Variants in CAMK4 observed in about 807,000 individuals in gnomAD.
CAMK4 encodes the protein calcium/calmodulin dependent protein kinase IV.
A neutral mutation model predicts 44.9 loss-of-function variants in CAMK4; 22 were observed. That is an observed-to-expected ratio of 0.49 (90% CI 0.35 to 0.70). The LOEUF (loss-of-function observed/expected upper bound fraction) is 0.70, where lower values mean the gene tolerates loss of function less well. Among genes scored for constraint, CAMK4 ranks in the 30% least tolerant of loss-of-function variants. The probability of loss-of-function intolerance (pLI) is 0.01; values close to 1 mark genes in which losing one functional copy is unlikely to be tolerated. For missense variants in CAMK4, 498 were observed against 586.8 expected, an observed-to-expected ratio of 0.85 and a Z score of 1.56; for synonymous variants, 218 against 215.4, an observed-to-expected ratio of 1.01 and a Z score of -0.11.
chr5:111,355,486 TTTTATTTA>T (rs143763443), intron 2 of CAMK4, among the ~76,000 whole-genome samples: 6 of 146,898 alleles, frequency 4.1e-5, no homozygotes, highest in African/African-American at 1.5e-4. Flanking sequence ...TCTGCATTCT[TTTTATTTA>T]TTTATTTATT....
chr5:111,446,832 A>T, intron 6 of CAMK4, 56 bp downstream of exon 6: 1 of 1,038,360 alleles, frequency 9.6e-7, no homozygotes, highest in Non-Finnish European at 1.5e-6. Context: ...AAAAAATTTT[A>T]CTGTGTGGAA....
chr5:111,241,283 T>A (rs1748978719), intron 1 of CAMK4, among the ~76,000 whole-genome samples: 1 of 152,196 alleles, frequency 6.6e-6, no homozygotes, highest in South Asian at 2.1e-4. Flanking sequence ...CTTTGCCTGT[T>A]TTTCATTACC....
rs1755981644 is a variant in CAMK4 at position 111,494,322 on chromosome 5, T to C, written c.*9856T>C. 1.3e-5 allele frequency: 2 copies of C among 152,198 alleles called. No homozygotes were observed. Among genetic ancestry groups the C allele is most frequent in the South Asian group, 4.1e-4 (2 of 4,834 alleles). 9.4% of individuals were successfully genotyped at this position (152,198 alleles called of 1,614,324 possible). On this transcript the variant is annotated 3_prime_UTR_variant, in exon 11 of 11. Transcript: ENST00000282356. Reference sequence around the variant, plus strand: ...AATGGAGCTGTGAACACTTCATTTTTAAAACCTGACAATATGGTGCTATTG... The same window carrying C: ...AATGGAGCTGTGAACACTTCATTTTCAAAACCTGACAATATGGTGCTATTG...
intron 5 of CAMK4, among the ~76,000 whole-genome samples, chr5:111,401,599 A>G (rs2112875767): frequency 6.6e-6 from 1 of 152,322 alleles, no homozygotes; most frequent in South Asian, 2.1e-4. Context: ...GCTCCTTTTG[A>G]TTAAAAAAAT....
chr5:111,427,965 C>T (rs1158281546), intron 5 of CAMK4, among the ~76,000 whole-genome samples: 1 of 152,242 alleles, frequency 6.6e-6, no homozygotes, highest in Non-Finnish European at 1.5e-5. Context: ...AAGTCTGGCC[C>T]AGCACAGTCA....
intron 2 of CAMK4, among the ~76,000 whole-genome samples, chr5:111,365,653 T>C (rs1750763469): frequency 6.6e-6 from 1 of 151,988 alleles, no homozygotes; most frequent in Admixed American, 6.6e-5. Context: ...GGCATAGCAA[T>C]GAGGAGCAAG....
chr5:111,483,188 A>G (rs1057343488), intron 10 of CAMK4, among the ~76,000 whole-genome samples: 87 of 152,308 alleles, frequency 5.7e-4, no homozygotes, highest in African/African-American at 1.9e-3. Flanking sequence ...CATATCAAAT[A>G]TATTATTGCT....
At chr5:111,347,652 C>T (rs1205720248) in intron 2 of CAMK4, among the ~76,000 whole-genome samples, 5 of 151,934 alleles carry the variant, frequency 3.3e-5, no homozygotes. Context: ...TATCATCTTA[C>T]CTCTGTGCAC....
At chr5:111,421,054 A>C (rs1753012856) in intron 5 of CAMK4, among the ~76,000 whole-genome samples, 1 of 152,226 alleles carries the variant, frequency 6.6e-6, no homozygotes, top group African/African-American at 2.4e-5. Context: ...TTTACAATTT[A>C]CTTTTAGAGA....
chr5:111,298,019 A>G (rs1747563375), intron 1 of CAMK4, among the ~76,000 whole-genome samples: 1 of 152,308 alleles, frequency 6.6e-6, no homozygotes, highest in Middle Eastern at 3.4e-3. Context: ...ATGTTTTTCA[A>G]CTGGTGGTAT....
intron 1 of CAMK4, among the ~76,000 whole-genome samples, chr5:111,273,702 TATATATATATATATATACACAC>T (rs1472773913): frequency 0.013 from 685 of 54,606 alleles, 41 homozygotes; most frequent in African/African-American, 0.062. Context: ...TATATATATA[TATATATATATATATATACACAC>T]ACATACATAC....
upstream of CAMK4, chr5:111,224,314 T>G (rs979322418): frequency 2.0e-6 from 2 of 1,006,106 alleles, no homozygotes; most frequent in African/African-American, 3.5e-5. This position sits in a 1 kb window ranked among gnomAD's most constrained non-coding sequence, Gnocchi z 5.7. Flanking sequence ...GCTCGCCCCC[T>G]TCCCCGCCCA....
intron 7 of CAMK4, among the ~76,000 whole-genome samples, chr5:111,454,657 A>G (rs946741924): frequency 6.6e-6 from 1 of 151,526 alleles, no homozygotes; most frequent in African/African-American, 2.4e-5. Context: ...CAAAAAAAAA[A>G]AAAAAAGAAA....
chr5:111,366,074 T>C (rs545832818), intron 2 of CAMK4, among the ~76,000 whole-genome samples: 12 of 152,254 alleles, frequency 7.9e-5, no homozygotes, highest in African/African-American at 1.4e-4. Context: ...TAGGGAATCA[T>C]TGGGAAAGCA....
intron 5 of CAMK4, among the ~76,000 whole-genome samples, chr5:111,443,359 G>C (rs536897429): frequency 8.3e-4 from 91 of 109,856 alleles, no homozygotes; most frequent in Non-Finnish European, 1.3e-3. Flanking sequence ...TATATATATA[G>C]TATATATATA....
intron 2 of CAMK4, among the ~76,000 whole-genome samples, chr5:111,346,405 A>G (rs1749864921): frequency 6.6e-6 from 1 of 151,838 alleles, no homozygotes; most frequent in South Asian, 2.1e-4. Context: ...CAACTTTGGG[A>G]CTACTATATT....
intron 7 of CAMK4, among the ~76,000 whole-genome samples, chr5:111,450,556 G>T (rs1315436785): frequency 8.2e-6 from 1 of 121,908 alleles, no homozygotes; most frequent in Non-Finnish European, 1.8e-5. Flanking sequence ...CGGAGGCCGA[G>T]GTGGGTGGAT....
rs77350810 is a variant in CAMK4, at chr5:111,434,558, T to C, written c.460-12128T>C. Among the ~76,000 whole-genome samples, 917 of 152,274 alleles carry C rather than the reference T, an allele frequency of 6.0e-3. 8 individuals carry two copies. Among genetic ancestry groups the C allele is most frequent in the African/African-American group, 0.02 (851 of 41,558 alleles). ...TCCATGGATCATGGCTTAGCACAGATTTCACAGCCAGACAGTCCTAACCAG... is the reference window on the plus strand; with the variant it reads ...TCCATGGATCATGGCTTAGCACAGACTTCACAGCCAGACAGTCCTAACCAG... On this transcript the variant is annotated intron_variant, in intron 5 of 10. Transcript: ENST00000282356.
chr5:111,224,358 G>T, upstream of CAMK4: 1 of 1,292,924 alleles, frequency 7.7e-7, no homozygotes, highest in Non-Finnish European at 9.9e-7. This position sits in a 1 kb window ranked among gnomAD's most constrained non-coding sequence, Gnocchi z 5.7. Flanking sequence ...GGCGGTGGGC[G>T]TGTGCGCGCG....
Sources: gnomAD v4.1 joint callset for allele counts (sites outside exome capture counted in the v4.1 genomes callset) on GRCh38, gnomAD v4.1.1 for gene constraint, Gnocchi (gnomAD v3.1) non-coding constraint, MANE v1.5 for transcripts, NCBI Gene and HGNC (gene_info 2026-07-23, HGNC 2026-07-21) for gene names.